Variants in RET observed in about 807,000 individuals in gnomAD.
RET encodes the protein proto-oncogene tyrosine-protein kinase receptor Ret.
RET carries 19 observed loss-of-function variants against 118.3 expected under a neutral mutation model. The ratio of observed to expected loss-of-function variants is 0.16; its 90% CI spans 0.11 to 0.24. RET has a LOEUF of 0.24. RET is among the 10% of genes least tolerant of loss of function. The pLI, the probability that RET is intolerant of heterozygous loss-of-function variation, is 1.00. For synonymous variants in RET, 597 were observed against 644.1 expected, an observed-to-expected ratio of 0.93 and a Z score of 1.11; for missense variants, 1,219 against 1,502.1, an observed-to-expected ratio of 0.81 and a Z score of 3.12.
At chr10:43,115,022 G>C (rs948213754) in intron 11 of RET, among the ~76,000 whole-genome samples, 3 of 151,710 alleles carry the variant, frequency 2.0e-5, no homozygotes, top group Non-Finnish European at 4.4e-5. Context: ...TCAGAAGGGG[G>C]TGCCTTTCTG....
chr10:43,125,025 G>T (rs781496078), intron 18 of RET, 43 bp downstream of exon 18: 1 of 1,578,566 alleles, frequency 6.3e-7, no homozygotes, highest in East Asian at 2.2e-5. Flanking sequence ...AAGTGGCTTG[G>T]GGAGACTCCA....
In RET at chr10:43,106,369, C is replaced by T. The variant is rs1336727043; in HGVS notation, c.868-7C>T. 5.0e-6 allele frequency: 8 copies of T among 1,608,832 alleles called. No individual in the cohort carries two copies. The highest frequency in any genetic ancestry group is 1.1e-5 in the South Asian group (1 of 90,958). The stretch of plus-strand genomic sequence containing the variant: ...CTGCACTGACCAACGCCCTCTGCAT[C>T]CTGCAGGACACCGTGGTGGCCACGC... On this transcript the variant is annotated splice_region_variant and splice_polypyrimidine_tract_variant and intron_variant, in intron 4 of 19. Transcript: ENST00000355710. The surrounding 1 kb of genome is among the most constrained non-coding windows in gnomAD (Gnocchi z 5.1).
intron 19 of RET, 146 bp from the exon 20 acceptor site, chr10:43,127,966 A>AC: frequency 2.4e-6 from 2 of 839,054 alleles, no homozygotes; most frequent in Non-Finnish European, 4.0e-6. Flanking sequence ...GTTTTTGGAA[A>AC]CCTGGAACAC....
In RET at chr10:43,106,011, C is replaced by T. The variant is rs1837764721; in HGVS notation, c.868-365C>T. Reference sequence around the variant, plus strand: ...TGTTCCTGTGTGACCTTGACCTGACCTTCACCCTGTGGGGCCCAGCTTCCT... The same window carrying T: ...TGTTCCTGTGTGACCTTGACCTGACTTTCACCCTGTGGGGCCCAGCTTCCT... On this transcript the variant is annotated intron_variant, in intron 4 of 19. Transcript: ENST00000355710. The surrounding 1 kb of genome is among the most constrained non-coding windows in gnomAD (Gnocchi z 5.1). 6.6e-6 allele frequency among the ~76,000 whole-genome samples: 1 copy of T among 152,198 alleles called. No homozygotes were observed.
chr10:43,100,560 G>T lies in RET; in HGVS notation c.175G>T (p.Ala59Ser). The change falls in exon 2 of 20, where the codon GCC becomes TCC. Residue 59 changes from alanine (A) to serine (S), a missense_variant. Transcript: ENST00000355710. ...PLLYVHALRD[A>S]PEEVPSFRLG... is the part of the protein sequence containing the mutation. ...GCTGTACGTCCATGCCCTGCGGGAC[G>T]CCCCTGAGGAGGTGCCCAGCTTCCG... 6.2e-7 allele frequency: 1 copy of T among 1,613,860 alleles called. No individual in the cohort carries two copies. Among genetic ancestry groups the T allele is most frequent in the South Asian group, 1.1e-5 (1 of 91,084 alleles).
intron 1 of RET, 113 bp from the exon 2 acceptor site, chr10:43,100,346 G>A (rs1248244403): frequency 1.6e-6 from 2 of 1,232,892 alleles, no homozygotes; most frequent in Non-Finnish European, 2.3e-6. Flanking sequence ...CTCAGGAACA[G>A]AGATGAAAAA....
chr10:43,113,784 C>T (rs960718093), intron 10 of RET, 109 bp downstream of exon 10: 2 of 1,483,262 alleles, frequency 1.3e-6, no homozygotes, highest in East Asian at 2.4e-5. Context: ...CGAGTGGGCC[C>T]CATGAAACTT....
At position 43,112,943 on chromosome 10, in the gene RET, T is replaced by A. The variant is rs2132816788; in HGVS notation, c.1739T>A (p.Ile580Asn). 6.2e-7 allele frequency: 1 copy of A among 1,614,086 alleles called. No homozygotes were observed. ...CDVVETQDINICPQDCLRGSI... is the reference protein window; with the variant it reads ...CDVVETQDINNCPQDCLRGSI... ...GTTGTGGAGACCCAAGACATCAACA[T>A]TTGCCCTCAGGACTGCCTCCGTAAG... The change falls in exon 9 of 20, where the codon ATT becomes AAT. Residue 580 changes from isoleucine (I) to asparagine (N), a missense_variant. Ile to Asn is a moderately radical substitution (Grantham distance 149, BLOSUM62 -3). Transcript: ENST00000355710.
intron 1 of RET, among the ~76,000 whole-genome samples, chr10:43,094,718 C>A (rs773765677): frequency 1.3e-5 from 2 of 152,158 alleles, no homozygotes; most frequent in East Asian, 3.9e-4. Context: ...ATGTGTGCAC[C>A]GAGGGTGCAG....
At chr10:43,115,666 C>A (rs1424767105) in intron 11 of RET, among the ~76,000 whole-genome samples, 1 of 152,238 alleles carries the variant, frequency 6.6e-6, no homozygotes, top group Non-Finnish European at 1.5e-5. Context: ...TGGCAGAGAC[C>A]ACCACCCTAA....
At chr10:43,120,035 T>C in intron 14 of RET, 46 bp from the exon 15 acceptor site, 2 of 1,609,836 alleles carry the variant, frequency 1.2e-6, no homozygotes, top group Non-Finnish European at 1.7e-6. Flanking sequence ...CAGTGACCGC[T>C]GCTGCCTGGC....
intron 1 of RET, among the ~76,000 whole-genome samples, chr10:43,082,350 T>G (rs932337413): frequency 7.2e-5 from 11 of 152,236 alleles, no homozygotes; most frequent in South Asian, 2.1e-4. Context: ...TCTGTTTGCT[T>G]TTGCCTCAAG....
intron 3 of RET, chr10:43,102,857 A>G (rs900436271): frequency 3.3e-6 from 2 of 609,154 alleles, no homozygotes; most frequent in Non-Finnish European, 5.8e-6. Flanking sequence ...TGCAGCTTTC[A>G]TTCTTGTGGG....
chr10:43,090,376 C>T (rs1373673379), intron 1 of RET, among the ~76,000 whole-genome samples: 2 of 152,164 alleles, frequency 1.3e-5, no homozygotes, highest in African/African-American at 4.8e-5. Flanking sequence ...GCACTGGGCT[C>T]GTGTGAGGAG....
intron 1 of RET, among the ~76,000 whole-genome samples, chr10:43,080,342 C>G (rs1013286850): frequency 6.6e-6 from 1 of 152,244 alleles, no homozygotes; most frequent in African/African-American, 2.4e-5. Context: ...AAGGCTAATA[C>G]CAGCAGTAGC....
At chr10:43,089,499 C>A (rs73268215) in intron 1 of RET, among the ~76,000 whole-genome samples, 2,910 of 152,304 alleles carry the variant, frequency 0.019, 98 homozygotes, top group African/African-American at 0.067. Flanking sequence ...AGGAAGTACT[C>A]AGGACCCAGT....
rs535051804 is a variant in RET, at chr10:43,119,547, C to T, written c.2409C>T (p.Ile803=). ...CGCCCCCAGGCCCGCTCCTCCTCATCGTGGAGTACGCCAAATACGGCTCCC... is the reference window on the plus strand; with the variant it reads ...CGCCCCCAGGCCCGCTCCTCCTCATTGTGGAGTACGCCAAATACGGCTCCC... The part of the protein sequence containing the change: ...ACSQDGPLLL[I]VEYAKYGSLR... Residue 803 remains isoleucine (I), a synonymous_variant, in exon 14 of 20, where the codon ATC becomes ATT. Coordinates refer to ENST00000355710, the MANE Select transcript of RET (RefSeq NM_020975.6). 7.0e-5 allele frequency: 112 copies of T among 1,605,180 alleles called. No individual in the cohort carries two copies. The East Asian group carries it at 1.1e-3, about 16-fold the overall frequency.
intron 6 of RET, 145 bp downstream of exon 6, chr10:43,109,375 C>A: frequency 1.2e-6 from 1 of 856,920 alleles, no homozygotes; most frequent in Non-Finnish European, 1.9e-6. Context: ...GGAGGTACAG[C>A]TGTGTGCACA....
At chr10:43,080,801 A>T (rs2435364) in intron 1 of RET, among the ~76,000 whole-genome samples, 13 of 152,140 alleles carry the variant, frequency 8.5e-5, no homozygotes, top group Non-Finnish European at 1.6e-4. Context: ...CTGTGCCAGC[A>T]GAAGGGCCGA....
Sources: gnomAD v4.1 joint callset for allele counts (sites outside exome capture counted in the v4.1 genomes callset) on GRCh38, gnomAD v4.1.1 for gene constraint, Gnocchi (gnomAD v3.1) non-coding constraint, MANE v1.5 for transcripts, NCBI Gene and HGNC (gene_info 2026-07-23, HGNC 2026-07-21) for gene names.